The following OTUD7A variants were observed in gnomAD, a reference collection of about 807,000 sequenced individuals.
OTUD7A encodes OTU deubiquitinase 7A.
A neutral mutation model predicts 65.7 loss-of-function variants in OTUD7A; 12 were observed. The ratio of observed to expected loss-of-function variants is 0.18; its 90% CI spans 0.12 to 0.30. The LOEUF is 0.30. OTUD7A is among the 10% of genes least tolerant of loss of function. The pLI is 1.00. For missense variants in OTUD7A, 1,148 were observed against 1,304.8 expected (o/e 0.88, Z 1.85); for synonymous variants, 641 against 586.3 (o/e 1.09, Z -1.35).
intron 5 of OTUD7A, among the ~76,000 whole-genome samples, chr15:31,538,161 C>A (rs1194711120): frequency 6.6e-6 from 1 of 152,232 alleles, no homozygotes; most frequent in Non-Finnish European, 1.5e-5. Flanking sequence ...ATCAGGGGCT[C>A]TCTCTTGCTG....
intron 3 of OTUD7A, among the ~76,000 whole-genome samples, chr15:31,626,586 T>C (rs1218669168): frequency 3.9e-5 from 6 of 151,936 alleles, no homozygotes; most frequent in Non-Finnish European, 8.8e-5. Flanking sequence ...CAGAATATAA[T>C]TTTTTTTGAG....
intron 3 of OTUD7A, among the ~76,000 whole-genome samples, chr15:31,601,294 G>A (rs1890066363): frequency 6.6e-6 from 1 of 152,096 alleles, no homozygotes; most frequent in African/African-American, 2.4e-5. Flanking sequence ...TTAGAACTCA[G>A]GATTAAGAAA....
chr15:31,839,046 C>A (rs1024791718), intron 1 of OTUD7A, among the ~76,000 whole-genome samples: 2 of 152,210 alleles, frequency 1.3e-5, no homozygotes, highest in African/African-American at 2.4e-5. Flanking sequence ...GCTCTCCCAG[C>A]CCCTGCTCCA....
At chr15:31,610,733 T>C (rs1034168053) in intron 3 of OTUD7A, among the ~76,000 whole-genome samples, 1 of 148,696 alleles carries the variant, frequency 6.7e-6, no homozygotes, top group Non-Finnish European at 1.5e-5. Flanking sequence ...GCCATTCTCC[T>C]GCCTCAGCCT....
At chr15:31,632,945 G>A (rs1327047310) in intron 3 of OTUD7A, among the ~76,000 whole-genome samples, 2 of 152,214 alleles carry the variant, frequency 1.3e-5, no homozygotes, top group Non-Finnish European at 2.9e-5. Context: ...ATAATCTCCT[G>A]GTGTGCCGTT....
chr15:31,843,393 T>C (rs561460381), intron 1 of OTUD7A, among the ~76,000 whole-genome samples: 1 of 151,188 alleles, frequency 6.6e-6, no homozygotes, highest in Non-Finnish European at 1.5e-5. Flanking sequence ...CTTGAAAACA[T>C]GTTCTGGCAG....
At chr15:31,541,749 G>A (rs998597968) in intron 5 of OTUD7A, among the ~76,000 whole-genome samples, 4 of 152,008 alleles carry the variant, frequency 2.6e-5, no homozygotes, top group Admixed American at 6.6e-5. Flanking sequence ...ATAAGAACTC[G>A]AAAAAAGGCT....
intron 5 of OTUD7A, among the ~76,000 whole-genome samples, chr15:31,553,974 G>A (rs1030987933): frequency 3.9e-5 from 6 of 152,134 alleles, no homozygotes; most frequent in Non-Finnish European, 5.9e-5. Flanking sequence ...CCTAAAGGAC[G>A]AGGCTCCCTA....
chr15:31,818,304 C>A (rs1896600324), intron 1 of OTUD7A, among the ~76,000 whole-genome samples: 1 of 152,132 alleles, frequency 6.6e-6, no homozygotes, highest in Non-Finnish European at 1.5e-5. Flanking sequence ...CCTTCCAAGT[C>A]TCTAACTGTA....
At chr15:31,674,074 T>C (rs1395943939) in intron 1 of OTUD7A, among the ~76,000 whole-genome samples, 1 of 152,210 alleles carries the variant, frequency 6.6e-6, no homozygotes, top group African/African-American at 2.4e-5. Flanking sequence ...AGTACTCTAA[T>C]ACTGCTTACA....
intron 3 of OTUD7A, among the ~76,000 whole-genome samples, chr15:31,639,266 GTTTT>G (rs1057014638): frequency 6.6e-6 from 1 of 151,416 alleles, no homozygotes; most frequent in Non-Finnish European, 1.5e-5. Context: ...ACAATATGTA[GTTTT>G]TTTTTGTCTC....
At chr15:31,864,395 T>C (rs761600806) in intron 1 of OTUD7A, among the ~76,000 whole-genome samples, 1 of 152,194 alleles carries the variant, frequency 6.6e-6, no homozygotes, top group South Asian at 2.1e-4. Flanking sequence ...AGAGGTTTAA[T>C]TGGACTTACA....
chr15:31,800,261 G>C (rs1269600479), intron 1 of OTUD7A, among the ~76,000 whole-genome samples: 1 of 152,140 alleles, frequency 6.6e-6, no homozygotes, highest in African/African-American at 2.4e-5. Flanking sequence ...GCCTCACCTA[G>C]ACGCGCAGCA....
intron 1 of OTUD7A, among the ~76,000 whole-genome samples, chr15:31,718,907 A>G (rs1292698356): frequency 0.16 from 38 of 240 alleles, no homozygotes; most frequent in Admixed American, 0.5. Flanking sequence ...GTGATTAGGA[A>G]AAAAAAAAAA....
chr15:31,508,021 G>C (rs1192798238), intron 8 of OTUD7A, among the ~76,000 whole-genome samples: 2 of 152,092 alleles, frequency 1.3e-5, no homozygotes, highest in African/African-American at 4.8e-5. Flanking sequence ...AGCTGTCATT[G>C]ATTTTTTAAT....
intron 4 of OTUD7A, among the ~76,000 whole-genome samples, chr15:31,569,241 G>A (rs1050520462): frequency 2.6e-5 from 4 of 152,168 alleles, no homozygotes; most frequent in Non-Finnish European, 4.4e-5. Flanking sequence ...GTATAAAGAT[G>A]TTTCTTTCAG....
intron 6 of OTUD7A, among the ~76,000 whole-genome samples, chr15:31,530,431 G>A (rs62004100): frequency 0.057 from 8,678 of 152,206 alleles, 361 homozygotes; most frequent in Middle Eastern, 0.11. Flanking sequence ...TGTACCAGGC[G>A]ACGGTCTCTA....
Position 31,749,055 on chromosome 15 carries a change from G to A in OTUD7A, c.-99-91978C>T, listed in dbSNP as rs143490440. On this transcript the variant is annotated intron_variant, in intron 1 of 12. Transcript: ENST00000307050. Reference sequence around the variant, plus strand: ...TCGCAAGGACAAAAAACCAAATACCGCATGTTCTCACTCATAGGTGGGAAT... The same window carrying A: ...TCGCAAGGACAAAAAACCAAATACCACATGTTCTCACTCATAGGTGGGAAT... 3.1e-3 allele frequency among the ~76,000 whole-genome samples: 457 copies of A among 148,026 alleles called. 3 individuals are homozygous for A. The highest frequency in any genetic ancestry group is 0.01 in the African/African-American group (422 of 40,218).
intron 1 of OTUD7A, among the ~76,000 whole-genome samples, chr15:31,811,347 G>A (rs575055380): frequency 4.0e-5 from 6 of 151,866 alleles, no homozygotes; most frequent in South Asian, 2.1e-4. Context: ...GTGTAAGTGC[G>A]TGTGTGTGTG....
Sources: allele counts gnomAD v4.1 joint callset (sites outside exome capture counted in the v4.1 genomes callset), GRCh38; gene constraint gnomAD v4.1.1; transcripts MANE v1.5; gene names NCBI Gene and HGNC (gene_info 2026-07-23, HGNC 2026-07-21).